The following RPS6KC1 variants were observed in gnomAD, a reference collection of about 807,000 sequenced individuals.
RPS6KC1 encodes ribosomal protein S6 kinase C1, also known as inactive ribosomal protein S6 kinase delta-1.
A neutral mutation model predicts 103.8 loss-of-function variants in RPS6KC1; 54 were observed. The observed-to-expected ratio is 0.52, with a 90% CI of 0.42 to 0.65. The LOEUF (loss-of-function observed/expected upper bound fraction) is 0.65, where lower values mean the gene tolerates loss of function less well. Among genes scored for constraint, RPS6KC1 ranks in the 30% least tolerant of loss-of-function variants. The pLI, the probability that RPS6KC1 is intolerant of heterozygous loss-of-function variation, is 0.00. For synonymous variants in RPS6KC1, 439 were observed against 438.7 expected (o/e 1.00, Z -0.01); for missense variants, 1,151 against 1,253.8 (o/e 0.92, Z 1.24).
chr1:213,392,086 G>A, the RPS6KC1 span, among the ~76,000 whole-genome samples: 1 of 152,156 alleles, frequency 6.6e-6, no homozygotes, highest in Non-Finnish European at 1.5e-5. Context: ...TGGTGAATTG[G>A]TAGGCAGGGA....
the RPS6KC1 span, among the ~76,000 whole-genome samples, chr1:213,612,804 T>C: frequency 3.3e-5 from 5 of 152,210 alleles, no homozygotes; most frequent in South Asian, 1.0e-3. Context: ...CTAACATACA[T>C]CATGAAGTAT....
chr1:213,231,724 C>G (rs1401989931), intron 9 of RPS6KC1, among the ~76,000 whole-genome samples: 1 of 152,148 alleles, frequency 6.6e-6, no homozygotes, highest in East Asian at 1.9e-4. Flanking sequence ...CCTGCTTAAT[C>G]TAAGAATACC....
the RPS6KC1 span, among the ~76,000 whole-genome samples, chr1:213,682,499 C>T: frequency 8.5e-5 from 13 of 152,244 alleles, no homozygotes; most frequent in African/African-American, 3.1e-4. Flanking sequence ...GGGTTATCCA[C>T]AAATTAAGAG....
chr1:213,223,357 C>T (rs908656887), intron 8 of RPS6KC1, among the ~76,000 whole-genome samples: 2 of 152,130 alleles, frequency 1.3e-5, no homozygotes, highest in African/African-American at 2.4e-5. Flanking sequence ...TTATCCTTCA[C>T]CCACCTCACA....
chr1:213,463,300 C>T, the RPS6KC1 span, among the ~76,000 whole-genome samples: 11 of 152,130 alleles, frequency 7.2e-5, no homozygotes, highest in African/African-American at 2.2e-4. Context: ...TTGGGCAAGC[C>T]GTAGGCTCTG....
the RPS6KC1 span, among the ~76,000 whole-genome samples, chr1:213,526,346 TG>T: frequency 6.6e-6 from 1 of 152,088 alleles, no homozygotes; most frequent in Non-Finnish European, 1.5e-5. Context: ...ATGAAGGAAG[TG>T]TAGTAGACAG....
chr1:213,270,912 A>G (rs561735415), intron 14 of RPS6KC1, among the ~76,000 whole-genome samples: 29 of 152,338 alleles, frequency 1.9e-4, no homozygotes, highest in Non-Finnish European at 2.8e-4. Context: ...GAGAAGGGCT[A>G]TTATCAAAAT....
intron 4 of RPS6KC1, among the ~76,000 whole-genome samples, chr1:213,108,230 T>C (rs2148813680): frequency 6.6e-6 from 1 of 152,344 alleles, no homozygotes; most frequent in African/African-American, 2.4e-5. Context: ...GAAGTTTTAA[T>C]GTTACAGGTC....
At chr1:213,728,958 T>G in the RPS6KC1 span, among the ~76,000 whole-genome samples, 2 of 141,384 alleles carry the variant, frequency 1.4e-5, 1 homozygote, top group Admixed American at 1.4e-4. Context: ...GTTTTTTTTT[T>G]TTTTTTTACC....
chr1:213,696,849 G>A, the RPS6KC1 span, among the ~76,000 whole-genome samples: 1 of 152,136 alleles, frequency 6.6e-6, no homozygotes, highest in Non-Finnish European at 1.5e-5. Context: ...GACACCAGCT[G>A]AGCATGCTCT....
the RPS6KC1 span, among the ~76,000 whole-genome samples, chr1:213,746,782 G>A: frequency 1.3e-5 from 2 of 152,128 alleles, no homozygotes; most frequent in Non-Finnish European, 2.9e-5. Context: ...GAGCCAAGGG[G>A]CTGTTTGATT....
the RPS6KC1 span, among the ~76,000 whole-genome samples, chr1:213,602,118 T>TTCTCTCTCTCTCTCTC: frequency 2.0e-3 from 18 of 8,888 alleles, no homozygotes; most frequent in African/African-American, 7.4e-3. Flanking sequence ...CTTTCTTTCT[T>TTCTCTCTCTCTCTCTC]TCTCTTTCTT....
At chr1:213,698,906 A>AT in the RPS6KC1 span, among the ~76,000 whole-genome samples, 18 of 151,166 alleles carry the variant, frequency 1.2e-4, no homozygotes, top group Non-Finnish European at 2.1e-4. Flanking sequence ...AGTCTAGATA[A>AT]TTTTTTTTAA....
the RPS6KC1 span, among the ~76,000 whole-genome samples, chr1:213,689,491 C>T: frequency 2.0e-5 from 3 of 152,196 alleles, no homozygotes; most frequent in African/African-American, 7.2e-5. Flanking sequence ...TTTTCTGCCT[C>T]TTAGGTGTTC....
the RPS6KC1 span, among the ~76,000 whole-genome samples, chr1:213,845,377 C>T: frequency 1.3e-5 from 2 of 152,130 alleles, no homozygotes; most frequent in Admixed American, 1.3e-4. Context: ...TCCCTGGCCA[C>T]CTCACCCCCA....
chr1:213,108,616 T>G (rs1163455829), intron 4 of RPS6KC1, among the ~76,000 whole-genome samples: 2 of 151,782 alleles, frequency 1.3e-5, no homozygotes, highest in African/African-American at 4.8e-5. Context: ...AACAAAAAAT[T>G]CTCATAGAAT....
chr1:213,733,607 A>G, the RPS6KC1 span, among the ~76,000 whole-genome samples: 1 of 151,414 alleles, frequency 6.6e-6, no homozygotes, highest in Admixed American at 6.6e-5. Flanking sequence ...GAAGAAATGA[A>G]AATATTTATA....
chr1:213,747,368 C>A, the RPS6KC1 span, among the ~76,000 whole-genome samples: 1 of 152,112 alleles, frequency 6.6e-6, no homozygotes, highest in South Asian at 2.1e-4. Context: ...GTATTAGAAG[C>A]AAATGCTCAA....
chr1:213,430,472 C>A, the RPS6KC1 span, among the ~76,000 whole-genome samples: 10 of 152,118 alleles, frequency 6.6e-5, no homozygotes, highest in Non-Finnish European at 1.3e-4. Flanking sequence ...TATACCAGGA[C>A]AATTTGACAT....
Sources: gnomAD v4.1 joint callset for allele counts (sites outside exome capture counted in the v4.1 genomes callset) on GRCh38, gnomAD v4.1.1 for gene constraint, MANE v1.5 for transcripts, NCBI Gene and HGNC (gene_info 2026-07-23, HGNC 2026-07-21) for gene names.